CNTNAP2: variants seen among roughly 807,000 people sequenced by gnomAD.
CNTNAP2 encodes contactin-associated protein-like 2.
A neutral mutation model predicts 155.2 loss-of-function variants in CNTNAP2; 98 were observed. The observed-to-expected ratio is 0.63, with a 90% CI of 0.54 to 0.75. CNTNAP2 has a LOEUF of 0.75. CNTNAP2 is among the 30% of genes least tolerant of loss of function. CNTNAP2 has a pLI of 0.00. For synonymous variants in CNTNAP2, 651 were observed against 631.2 expected (o/e 1.03, Z -0.47); for missense variants, 1,727 against 1,688.1 (o/e 1.02, Z -0.40).
At chr7:147,000,995 G>T (rs1798411499) in intron 3 of CNTNAP2, among the ~76,000 whole-genome samples, 2 of 152,082 alleles carry the variant, frequency 1.3e-5, no homozygotes, top group Admixed American at 1.3e-4. Context: ...TCTACCTAAT[G>T]CTGGTTTTTA....
At chr7:147,115,983 G>A (rs1049445393) in intron 5 of CNTNAP2, among the ~76,000 whole-genome samples, 2 of 152,172 alleles carry the variant, frequency 1.3e-5, no homozygotes, top group African/African-American at 4.8e-5. Flanking sequence ...CTGATTTGGA[G>A]ATGGAGTTTT....
intron 4 of CNTNAP2, among the ~76,000 whole-genome samples, chr7:147,072,817 C>G (rs1799920391): frequency 6.8e-6 from 1 of 147,328 alleles, no homozygotes; most frequent in Non-Finnish European, 1.5e-5. Flanking sequence ...ACTTAACACT[C>G]TGGGTCTTTA....
chr7:147,431,384 AC>A (rs1373808652), intron 10 of CNTNAP2, among the ~76,000 whole-genome samples: 1 of 152,058 alleles, frequency 6.6e-6, no homozygotes, highest in African/African-American at 2.4e-5. Context: ...TAAACTATAA[AC>A]TTTTCCCTGT....
At chr7:147,668,280 C>T (rs1022425413) in intron 13 of CNTNAP2, among the ~76,000 whole-genome samples, 5 of 152,254 alleles carry the variant, frequency 3.3e-5, no homozygotes, top group Admixed American at 1.3e-4. Flanking sequence ...CTGAATGGTT[C>T]GTTCATAGAG....
chr7:146,681,473 A>C (rs1402119614), intron 1 of CNTNAP2, among the ~76,000 whole-genome samples: 1 of 59,000 alleles, frequency 1.7e-5, no homozygotes, highest in Admixed American at 1.7e-4. Context: ...GGGAGAGGGT[A>C]GAGGGTGGAA....
At chr7:147,782,022 A>C (rs938884376) in intron 13 of CNTNAP2, among the ~76,000 whole-genome samples, 1 of 49,140 alleles carries the variant, frequency 2.0e-5, no homozygotes, top group South Asian at 7.1e-4. Flanking sequence ...GATTCCGTTT[A>C]AAAAAAAAAA....
At position 146,773,994 on chromosome 7, in the gene CNTNAP2, A is replaced by G. The variant is rs146401236; in HGVS notation, c.98-277A>G. ...AAAGCTTATTACAGGAACAAGCTCA[A>G]TTTTACTCATGATTCTCAGATAGCA... On this transcript the variant is annotated intron_variant, in intron 1 of 23. Transcript: ENST00000361727. Among the ~76,000 whole-genome samples, 1,204 of 152,182 alleles carry G rather than the reference A, an allele frequency of 7.9e-3. 19 individuals are homozygous for G. Among genetic ancestry groups the G allele is most frequent in the African/African-American group, 0.027 (1,110 of 41,500 alleles).
intron 13 of CNTNAP2, among the ~76,000 whole-genome samples, chr7:147,646,043 C>T (rs187031271): frequency 9.3e-4 from 142 of 152,274 alleles, no homozygotes; most frequent in African/African-American, 3.0e-3. Flanking sequence ...GTGGAGGAAG[C>T]AGAGGTGGTG....
chr7:146,698,118 G>T (rs1206367221), intron 1 of CNTNAP2, among the ~76,000 whole-genome samples: 1 of 151,976 alleles, frequency 6.6e-6, no homozygotes, highest in African/African-American at 2.4e-5. Flanking sequence ...ATGTAACATT[G>T]CTCATTCATT....
At chr7:146,756,174 G>C (rs1443658641) in intron 1 of CNTNAP2, among the ~76,000 whole-genome samples, 4 of 151,840 alleles carry the variant, frequency 2.6e-5, no homozygotes, top group Non-Finnish European at 5.9e-5. Flanking sequence ...CTACAAAATT[G>C]TATTTTTGCA....
At chr7:148,130,744 G>A (rs190724273) in intron 16 of CNTNAP2, among the ~76,000 whole-genome samples, 33 of 152,304 alleles carry the variant, frequency 2.2e-4, no homozygotes, top group Non-Finnish European at 3.5e-4. Flanking sequence ...TCCTAAGACT[G>A]ACTATGTGTC....
chr7:146,930,631 A>G (rs1796729562), intron 3 of CNTNAP2, among the ~76,000 whole-genome samples: 1 of 152,212 alleles, frequency 6.6e-6, no homozygotes, highest in South Asian at 2.1e-4. Flanking sequence ...ATTAAAAGAC[A>G]CAGACTGGCA....
In CNTNAP2 at chr7:148,360,790, C is replaced by T. The variant is rs546348657; in HGVS notation, c.3476-22859C>T. Among the ~76,000 whole-genome samples the T allele has an allele frequency of 6.3e-4, 95 of 151,180 alleles. 1 individual carries two copies. The highest frequency in any genetic ancestry group is 2.2e-3 in the African/African-American group (90 of 41,244). ...AGTAAAAAGATGAAGGTGTTAGAGT[C>T]GCTTTTCTTTCTTTTTTTTCTTTTT... On this transcript the variant is annotated intron_variant, in intron 21 of 23. Transcript: ENST00000361727.
chr7:146,836,758 T>G (rs1803625593), intron 2 of CNTNAP2, among the ~76,000 whole-genome samples: 1 of 152,202 alleles, frequency 6.6e-6, no homozygotes, highest in Non-Finnish European at 1.5e-5. Flanking sequence ...AATGGTAAAC[T>G]TCCCTTAAGG....
chr7:148,159,906 CA>C (rs1232566798), intron 17 of CNTNAP2, among the ~76,000 whole-genome samples: 1 of 152,094 alleles, frequency 6.6e-6, no homozygotes, highest in Non-Finnish European at 1.5e-5. Context: ...TTCCTTATGA[CA>C]TTTTTTTTTA....
chr7:146,274,474 A>G (rs1800132950), intron 1 of CNTNAP2, among the ~76,000 whole-genome samples: 1 of 152,212 alleles, frequency 6.6e-6, no homozygotes, highest in South Asian at 2.1e-4. Flanking sequence ...TAAAGAGACC[A>G]GATGAGACGG....
chr7:147,490,285 AC>A (rs1427302428), intron 11 of CNTNAP2, among the ~76,000 whole-genome samples: 1 of 152,234 alleles, frequency 6.6e-6, no homozygotes, highest in African/African-American at 2.4e-5. Flanking sequence ...ACAGGTCCTG[AC>A]ATTGCCAAAT....
At chr7:147,834,163 T>G (rs1162066426) in intron 13 of CNTNAP2, among the ~76,000 whole-genome samples, 1 of 152,210 alleles carries the variant, frequency 6.6e-6, no homozygotes, top group Non-Finnish European at 1.5e-5. Flanking sequence ...TACACCCTTT[T>G]TCTTGTAGTG....
chr7:148,409,471 G>A lies in CNTNAP2; in HGVS notation c.3796G>A (p.Gly1266Ser). Residue 1266 changes from glycine (G) to serine (S), a missense_variant and splice_region_variant, in exon 23 of 24, where the codon GGC becomes AGC. Physicochemically the swap from Gly to Ser is moderately conservative, Grantham distance 56 (BLOSUM62 0). Transcript: ENST00000361727. Reference sequence around the variant, plus strand: ...CAACAGAAACTCGGCTATCATTGGAGGTAGGTGATGTCTAGAGGAGGCTTA... The same window carrying A: ...CAACAGAAACTCGGCTATCATTGGAAGTAGGTGATGTCTAGAGGAGGCTTA... The part of the protein sequence containing the change: ...GVNRNSAIIG[G>S]VIAVVIFTIL... The A allele has an allele frequency of 6.2e-7, 1 of 1,613,528 alleles. No homozygotes were observed. Among genetic ancestry groups the A allele is most frequent in the Non-Finnish European group, 8.5e-7 (1 of 1,179,500 alleles).
Sources: gnomAD v4.1 joint callset for allele counts (sites outside exome capture counted in the v4.1 genomes callset) on GRCh38, gnomAD v4.1.1 for gene constraint, MANE v1.5 for transcripts, NCBI Gene and HGNC (gene_info 2026-07-23, HGNC 2026-07-21) for gene names.